The following PRDM2 variants were observed in gnomAD, a reference collection of about 807,000 sequenced individuals.
PRDM2 encodes the protein PR domain zinc finger protein 2.
Under a neutral mutation model 130.0 loss-of-function variants are expected in PRDM2, and 30 were observed. That is an observed-to-expected ratio of 0.23 (90% CI 0.17 to 0.31). The LOEUF is 0.31. Ranked by LOEUF, PRDM2 falls within the 10% of genes least tolerant of loss-of-function variation. The pLI, the probability that PRDM2 is intolerant of heterozygous loss-of-function variation, is 1.00. For missense variants in PRDM2, 2,011 were observed against 2,108.4 expected, an observed-to-expected ratio of 0.95 and a Z score of 0.90; for synonymous variants, 871 against 782.4, an observed-to-expected ratio of 1.11 and a Z score of -1.89.
intron 6 of PRDM2, among the ~76,000 whole-genome samples, chr1:13,770,558 G>C (rs997384868): frequency 5.3e-5 from 8 of 151,456 alleles, no homozygotes; most frequent in Non-Finnish European, 1.0e-4. Flanking sequence ...ACAAGAAATT[G>C]ACATCGGTTT....
intron 8 of PRDM2, among the ~76,000 whole-genome samples, chr1:13,805,683 C>T (rs1432226623): frequency 1.3e-5 from 2 of 152,242 alleles, no homozygotes; most frequent in Non-Finnish European, 2.9e-5. Context: ...ATGAATTGCA[C>T]TCTGAGAATT....
chr1:13,787,529 T>A, intron 8 of PRDM2: 1 of 983,216 alleles, frequency 1.0e-6, no homozygotes, highest in Non-Finnish European at 1.2e-6. Flanking sequence ...AATATTTGTT[T>A]GGTGAATTTG....
intron 2 of PRDM2, among the ~76,000 whole-genome samples, chr1:13,716,249 A>G (rs898722695): frequency 6.8e-5 from 10 of 146,206 alleles, no homozygotes; most frequent in East Asian, 2.2e-4. Flanking sequence ...GAATTGAACA[A>G]TGAGATCACA....
At position 13,778,561 on chromosome 1, in the gene PRDM2, T is replaced by C. The variant is rs1477543029; in HGVS notation, c.766T>C (p.Leu256=). The C allele has an allele frequency of 6.2e-7, 1 of 1,613,774 alleles. No homozygotes were observed. The highest frequency in any genetic ancestry group is 8.5e-7 in the Non-Finnish European group (1 of 1,179,998). Residue 256 remains leucine (L), a synonymous_variant, in exon 8 of 10, where the codon TTA becomes CTA. Coordinates refer to ENST00000311066, the MANE Select transcript of PRDM2 (RefSeq NM_001393986.1). ...WEPQPEPDER[L]EAAACEVNDL... is the part of the protein sequence containing the mutation. ...GCCACAGCCAGAACCAGACGAGCGATTAGAAGCGGCAGCTTGTGAGGTGAA... is the reference window on the plus strand; with the variant it reads ...GCCACAGCCAGAACCAGACGAGCGACTAGAAGCGGCAGCTTGTGAGGTGAA...
rs1456605671 is a variant in PRDM2 at position 13,749,468 on chromosome 1, C to T, written c.492C>T (p.Ser164=). Residue 164 remains serine (S), a synonymous_variant, in exon 6 of 10, where the codon AGC becomes AGT. Transcript: ENST00000311066. ...EERASARSKR[S]SPKSRKGKKK... ...GAGCCAGCGCCCGGAGCAAGCGGAGCTCCCCCAAGAGCCGGAAAGGTAGGA... is the reference window on the plus strand; with the variant it reads ...GAGCCAGCGCCCGGAGCAAGCGGAGTTCCCCCAAGAGCCGGAAAGGTAGGA... The T allele has an allele frequency of 6.7e-7, 1 of 1,487,528 alleles. No individual in the cohort carries two copies. The highest frequency in any genetic ancestry group is 1.2e-5 in the South Asian group (1 of 86,580). The allele number at this position is 1,487,528 out of a possible 1,614,324, so 92.1% of individuals were successfully genotyped here. A position where few individuals can be genotyped will look rare whatever the true frequency, so the allele number is the denominator to read the frequency against.
rs748612326 is a variant in PRDM2, at chr1:13,732,796, C to T, written c.145C>T (p.Pro49Ser). The T allele has an allele frequency of 1.9e-6, 3 of 1,604,018 alleles. No homozygotes were observed. Among genetic ancestry groups the T allele is most frequent in the East Asian group, 4.5e-5 (2 of 44,474 alleles). Residue 49 changes from proline (P) to serine (S), a missense_variant, in exon 4 of 10, where the codon CCA becomes TCA. Coordinates refer to ENST00000311066, the MANE Select transcript of PRDM2 (RefSeq NM_001393986.1). ...TTTTCTAGGTGTCTGGGCCACTAAA[C>T]CAATTTTAAAAGGCAAAAAATTTGG... ...KTRIGVWATK[P>S]ILKGKKFGPF...
chr1:13,754,262 A>G (rs1473443318), intron 6 of PRDM2, among the ~76,000 whole-genome samples: 1 of 152,142 alleles, frequency 6.6e-6, no homozygotes, highest in Non-Finnish European at 1.5e-5. Flanking sequence ...CGCTGCACCA[A>G]GTGGCTGGGT....
chr1:13,704,198 A>G (rs1358841800), intron 1 of PRDM2, among the ~76,000 whole-genome samples: 1 of 152,254 alleles, frequency 6.6e-6, no homozygotes, highest in African/African-American at 2.4e-5. Context: ...GAATTACAGA[A>G]CATCTGTATA....
At chr1:13,809,384 C>T (rs985960089) in intron 8 of PRDM2, among the ~76,000 whole-genome samples, 11 of 152,104 alleles carry the variant, frequency 7.2e-5, no homozygotes, top group African/African-American at 2.4e-4. Flanking sequence ...GGAAGGAAGG[C>T]GGACTCGATG....
At chr1:13,738,955 C>T (rs573138839) in intron 4 of PRDM2, 1 of 150,130 alleles carries the variant, frequency 6.7e-6, no homozygotes, top group African/African-American at 2.5e-5. Context: ...AGTATTTTCT[C>T]GGTAGCAATG....
chr1:13,796,928 G>A (rs1414438888), intron 8 of PRDM2, among the ~76,000 whole-genome samples: 1 of 152,114 alleles, frequency 6.6e-6, no homozygotes, highest in Non-Finnish European at 1.5e-5. Context: ...ATTTGTGGAG[G>A]GAACGAAACA....
intron 5 of PRDM2, among the ~76,000 whole-genome samples, chr1:13,746,388 T>TA (rs1222209571): frequency 2.0e-5 from 3 of 151,388 alleles, no homozygotes; most frequent in East Asian, 1.9e-4. Context: ...AGCCTTGGTT[T>TA]AAAAAAAATA....
chr1:13,737,315 C>T lies in PRDM2; in HGVS notation c.231+4433C>T, dbSNP rs142946049. 4.3e-3 allele frequency among the ~76,000 whole-genome samples: 660 copies of T among 152,290 alleles called. 5 individuals carry two copies. The highest frequency in any genetic ancestry group is 0.015 in the African/African-American group (635 of 41,546). On this transcript the variant is annotated intron_variant, in intron 4 of 9. Coordinates refer to ENST00000311066, the MANE Select transcript of PRDM2 (RefSeq NM_001393986.1). ...TGACATATGCAAATTATATGAAATT[C>T]GAATTTCAGTTCATGAGTAAAGTTT...
intron 9 of PRDM2, among the ~76,000 whole-genome samples, chr1:13,822,400 C>CTTTTTT (rs55797543): frequency 7.0e-6 from 1 of 142,568 alleles, no homozygotes; most frequent in Non-Finnish European, 1.5e-5. Context: ...CTTTTTCTTT[C>CTTTTTT]TTTTTTTTTT....
chr1:13,713,480 A>C (rs905627498), intron 1 of PRDM2, among the ~76,000 whole-genome samples: 3 of 152,260 alleles, frequency 2.0e-5, no homozygotes, highest in Non-Finnish European at 4.4e-5. Flanking sequence ...AAGGCAGCAC[A>C]GTGCCTGCAA....
intron 8 of PRDM2, among the ~76,000 whole-genome samples, chr1:13,805,421 T>C (rs1394136880): frequency 6.6e-6 from 1 of 152,082 alleles, no homozygotes; most frequent in African/African-American, 2.4e-5. Flanking sequence ...GGGGCTTCAT[T>C]TGAATGGGCA....
intron 5 of PRDM2, among the ~76,000 whole-genome samples, chr1:13,743,858 G>T (rs565882133): frequency 6.6e-6 from 1 of 152,272 alleles, no homozygotes; most frequent in African/African-American, 2.4e-5. Context: ...TAAAAACCTT[G>T]TTTTCCATTT....
At chr1:13,746,426 A>G (rs992180427) in intron 5 of PRDM2, among the ~76,000 whole-genome samples, 6 of 151,828 alleles carry the variant, frequency 4.0e-5, no homozygotes, top group South Asian at 4.1e-4. Context: ...CATAGGGTCT[A>G]TTGGTGTAGC....
intron 8 of PRDM2, among the ~76,000 whole-genome samples, chr1:13,797,722 C>T (rs1039883509): frequency 1.1e-4 from 16 of 152,156 alleles, no homozygotes; most frequent in African/African-American, 3.4e-4. Flanking sequence ...GGACCACCTA[C>T]ATTAAAAAAT....
Sources: gnomAD v4.1 joint callset for allele counts (sites outside exome capture counted in the v4.1 genomes callset) on GRCh38, gnomAD v4.1.1 for gene constraint, MANE v1.5 for transcripts, NCBI Gene and HGNC (gene_info 2026-07-23, HGNC 2026-07-21) for gene names.